Variants in TPP1 observed in about 807,000 individuals in gnomAD.
TPP1 encodes the protein tripeptidyl peptidase 1.
Under a neutral mutation model 67.6 loss-of-function variants are expected in TPP1, and 43 were observed. The ratio of observed to expected loss-of-function variants is 0.64; its 90% CI spans 0.50 to 0.82. TPP1 has a LOEUF of 0.82. TPP1 is among the 40% of genes least tolerant of loss of function. TPP1 has a pLI of 0.00. For synonymous variants in TPP1, 272 were observed against 281.5 expected (o/e 0.97, Z 0.34); for missense variants, 671 against 710.9 (o/e 0.94, Z 0.64).
In TPP1 at chr11:6,616,863, TGGAG is replaced by T; in HGVS notation, c.688-8_688-5del. The T allele has an allele frequency of 6.2e-7, 1 of 1,613,870 alleles. No homozygotes were observed. Among genetic ancestry groups the T allele is most frequent in the Non-Finnish European group, 8.5e-7 (1 of 1,179,998 alleles). ...CATGGAAATACTGCTCCAGGAACTA[TGGAG>T]GGAGTCAGAGCAGAGATCGTGGGTC... is the stretch of plus-strand genomic sequence containing the variant. On this transcript the variant is annotated splice_region_variant and splice_polypyrimidine_tract_variant and intron_variant, in intron 6 of 12. Coordinates refer to ENST00000299427, the MANE Select transcript of TPP1 (RefSeq NM_000391.4).
chr11:6,617,499 G>C (rs1022548597), intron 4 of TPP1, 71 bp from the exon 5 acceptor site: 2 of 1,613,372 alleles, frequency 1.2e-6, no homozygotes, highest in Admixed American at 1.7e-5. Context: ...GCATCCCTGG[G>C]CAGTCAGTCA....
At position 6,616,813 on chromosome 11, in the gene TPP1, C is replaced by T. The variant is rs754161261; in HGVS notation, c.734G>A (p.Arg245His). 16 of 1,613,714 alleles carry T rather than the reference C, an allele frequency of 9.9e-6. No individual in the cohort carries two copies. Among genetic ancestry groups the T allele is most frequent in the African/African-American group, 5.3e-5 (4 of 75,006 alleles). ...ATGTGCAAAGTTGCCACCGAAGAGG[C>T]GCATGAACTGAGCCAGGTCTGAGTC... ...FHDSDLAQFM[R>H]LFGGNFAHQA... Residue 245 changes from arginine to histidine, a missense_variant, in exon 7 of 13, where the codon CGC becomes CAC. By Grantham distance (29) the Arg-to-His change is conservative. Transcript: ENST00000299427.
At position 6,616,341 on chromosome 11, in the gene TPP1, C is replaced by T. The variant is rs199866669; in HGVS notation, c.1049G>A (p.Arg350Gln). The change falls in exon 8 of 13, where the codon CGG becomes CAG. Residue 350 changes from arginine (R) to glutamine (Q), a missense_variant. Coordinates refer to ENST00000299427, the MANE Select transcript of TPP1 (RefSeq NM_000391.4). The part of the protein sequence containing the change: ...VNTELMKAAA[R>Q]GLTLLFASGD... ...TGAGGCGAAGAGCAGGGTGAGACCC[C>T]GAGCGGCAGCCTTCATGAGCTCAGT... 41 of 1,613,392 alleles carry T rather than the reference C, an allele frequency of 2.5e-5. No homozygotes were observed. The highest frequency in any genetic ancestry group is 1.3e-4 in the East Asian group (6 of 44,884).
chr11:6,614,536 T>G lies in TPP1; in HGVS notation c.*10A>C. The G allele has an allele frequency of 6.2e-7, 1 of 1,614,128 alleles. No individual in the cohort carries two copies. Among genetic ancestry groups the G allele is most frequent in the Non-Finnish European group, 8.5e-7 (1 of 1,180,016 alleles). ...GCAGGGGACAAGCCATCTCTCCTGA[T>G]AGGAAAGGGTCAGGGGTTGAGTAGA... On this transcript the variant is annotated 3_prime_UTR_variant, in exon 13 of 13. Coordinates refer to ENST00000299427, the MANE Select transcript of TPP1 (RefSeq NM_000391.4).
Position 6,618,705 on chromosome 11 carries a change from C to A in TPP1, c.229+71G>T, listed in dbSNP as rs1175142078. 6 of 1,601,482 alleles carry A rather than the reference C, an allele frequency of 3.7e-6. No homozygotes were observed. The East Asian group carries it at 1.1e-4, about 30-fold the overall frequency. On this transcript the variant is annotated intron_variant, in intron 3 of 12. Coordinates refer to ENST00000299427, the MANE Select transcript of TPP1 (RefSeq NM_000391.4). ...TCTTGGCAGGCTCTGACATGATCGC[C>A]ATCCCATGCCCAACCCAGCCCTGTG... is the stretch of plus-strand genomic sequence containing the variant.
intron 10 of TPP1, 46 bp from the exon 11 acceptor site, chr11:6,615,375 A>C: frequency 1.2e-6 from 2 of 1,614,158 alleles, no homozygotes; most frequent in Non-Finnish European, 1.7e-6. Flanking sequence ...CCTGCCCAGC[A>C]GTCAGCTGAA....
In TPP1 at chr11:6,616,052, C is replaced by G; in HGVS notation, c.1098G>C (p.Trp366Cys). The G allele has an allele frequency of 6.2e-7, 1 of 1,614,156 alleles. No homozygotes were observed. Among genetic ancestry groups the G allele is most frequent in the Non-Finnish European group, 8.5e-7 (1 of 1,180,020 alleles). The change falls in exon 9 of 13, where the codon TGG becomes TGC. Residue 366 changes from tryptophan to cysteine, a missense_variant. Physicochemically the swap from Trp to Cys is radical, Grantham distance 215. Transcript: ENST00000299427. ...FASGDSGAGC[W>C]SVSGRHQFRP... ...GGAACTGGTGTCTTCCAGAGACAGA[C>G]CAACACCCGGCCCCACTGTCACCTG...
intron 6 of TPP1, 35 bp from the exon 7 acceptor site, chr11:6,616,894 G>A (rs776992662): frequency 4.2e-5 from 68 of 1,613,892 alleles, no homozygotes; most frequent in Non-Finnish European, 5.7e-5. Flanking sequence ...TCGTGGGTCC[G>A]AGGGTGAGTC....
rs775087485 is a variant in TPP1 at position 6,615,011 on chromosome 11, A to G, written c.1426-20T>C. 3.1e-6 allele frequency: 5 copies of G among 1,614,032 alleles called. No individual in the cohort carries two copies. Among genetic ancestry groups the G allele is most frequent in the Non-Finnish European group, 8.5e-7 (1 of 1,179,994 alleles). Reference sequence around the variant, plus strand: ...AGAGGCCTACAAGAGTGAAGGTGCAAGTAGAGGTCAGGGGTTCTGAGTGAT... The same window carrying G: ...AGAGGCCTACAAGAGTGAAGGTGCAGGTAGAGGTCAGGGGTTCTGAGTGAT... On this transcript the variant is annotated intron_variant, in intron 11 of 12. Coordinates refer to ENST00000299427, the MANE Select transcript of TPP1 (RefSeq NM_000391.4).
At chr11:6,619,303 C>T (rs1382402489) in intron 1 of TPP1, 36 bp from the exon 2 acceptor site, 3 of 1,614,058 alleles carry the variant, frequency 1.9e-6, no homozygotes, top group Non-Finnish European at 2.5e-6. Context: ...GTGGGAGCTA[C>T]GTTGTCCTTG....
chr11:6,616,617 C>A, intron 7 of TPP1, 44 bp downstream of exon 7: 2 of 1,613,092 alleles, frequency 1.2e-6, no homozygotes, highest in Middle Eastern at 1.7e-4. Context: ...GATCAACACC[C>A]ATCTCCCACC....
At chr11:6,615,130 G>A (rs377088294) in intron 11 of TPP1, 41 bp downstream of exon 11, 157 of 1,614,030 alleles carry the variant, frequency 9.7e-5, no homozygotes, top group Non-Finnish European at 1.3e-4. Flanking sequence ...GGGGGTAAGG[G>A]TAGTTCCTGA....
In TPP1 at chr11:6,617,158, A is replaced by G. The variant is rs375548657; in HGVS notation, c.509-5T>C. ...GAAAACGGTGCAGTCCCCCCACTGT[A>G]GGGAGAAGTCAGGCTTGAGGAGATC... On this transcript the variant is annotated splice_region_variant and splice_polypyrimidine_tract_variant and intron_variant, in intron 5 of 12. Transcript: ENST00000299427. 6.2e-5 allele frequency: 100 copies of G among 1,613,948 alleles called. No individual in the cohort carries two copies. The highest frequency in any genetic ancestry group is 8.3e-5 in the Admixed American group (5 of 59,996).
chr11:6,616,645 G>A lies in TPP1; in HGVS notation c.886+16C>T. ...CTCCCACCCCCTTCCCCACTGTCCA[G>A]TCCTCTTGGTAGTACCAGGGCTACT... On this transcript the variant is annotated intron_variant, in intron 7 of 12. Transcript: ENST00000299427. 1 of 1,613,650 alleles carries A rather than the reference G, an allele frequency of 6.2e-7. No individual in the cohort carries two copies.
intron 2 of TPP1, 106 bp downstream of exon 2, chr11:6,619,090 G>C (rs1855630140): frequency 1.3e-6 from 2 of 1,485,050 alleles, no homozygotes; most frequent in Non-Finnish European, 1.9e-6. Context: ...TGAAGCTATG[G>C]AGTGCGTACT....
chr11:6,614,678 A>G lies in TPP1; in HGVS notation c.1560T>C (p.Arg520=). 6.2e-7 allele frequency: 1 copy of G among 1,614,152 alleles called. No homozygotes were observed. Among genetic ancestry groups the G allele is most frequent in the Non-Finnish European group, 8.5e-7 (1 of 1,180,014 alleles). ...CATCCAGACAGGACTCATGGCAGCCACGGGTTACCTAGGGAGGAGGCTGGC... is the reference window on the plus strand; with the variant it reads ...CATCCAGACAGGACTCATGGCAGCCGCGGGTTACCTAGGGAGGAGGCTGGC... ...QHGAGLFDVT[R]GCHESCLDEE... is the part of the protein sequence containing the mutation. The change falls in exon 13 of 13, where the codon CGT becomes CGC. Residue 520 remains arginine (R), a synonymous_variant. Transcript: ENST00000299427.
Position 6,616,780 on chromosome 11 carries a change from G to A in TPP1, c.767C>T (p.Ser256Leu). The A allele has an allele frequency of 6.2e-7, 1 of 1,613,988 alleles. No homozygotes were observed. Among genetic ancestry groups the A allele is most frequent in the Non-Finnish European group, 8.5e-7 (1 of 1,180,016 alleles). The change falls in exon 7 of 13, where the codon TCA becomes TTA. Residue 256 changes from serine (S) to leucine (L), a missense_variant. Ser to Leu is a moderately radical substitution (Grantham distance 145). Transcript: ENST00000299427. Reference protein sequence around the residue: ...LFGGNFAHQASVARVVGQQGR... With the variant: ...LFGGNFAHQALVARVVGQQGR... Reference sequence around the variant, plus strand: ...CTGTTGTCCAACCACACGGGCTACTGATGCCTGATGTGCAAAGTTGCCACC... The same window carrying A: ...CTGTTGTCCAACCACACGGGCTACTAATGCCTGATGTGCAAAGTTGCCACC...
rs368452233 is a variant in TPP1 at position 6,613,315 on chromosome 11, C to T, written c.*1231G>A. Reference sequence around the variant, plus strand: ...AGTTGTATCAGGGGTGGTAAGGGGACGGAACAGCTTGAGCAAGAGTGAGAG... The same window carrying T: ...AGTTGTATCAGGGGTGGTAAGGGGATGGAACAGCTTGAGCAAGAGTGAGAG... On this transcript the variant is annotated 3_prime_UTR_variant, in exon 13 of 13. Transcript: ENST00000299427. 1.3e-5 allele frequency: 2 copies of T among 152,072 alleles called. No homozygotes were observed. Among genetic ancestry groups the T allele is most frequent in the East Asian group, 1.9e-4 (1 of 5,184 alleles). 9.4% of individuals were successfully genotyped at this position (152,072 alleles called of 1,614,324 possible). A position where few individuals can be genotyped will look rare whatever the true frequency, so the allele number is the denominator to read the frequency against.
intron 9 of TPP1, 161 bp from the exon 10 acceptor site, chr11:6,615,723 G>T: frequency 1.0e-6 from 1 of 956,594 alleles, no homozygotes; most frequent in Non-Finnish European, 1.6e-6. Flanking sequence ...TCAAGGCATG[G>T]CCCGAGGTGA....
Sources: allele counts gnomAD v4.1 joint callset, GRCh38; gene constraint gnomAD v4.1.1; transcripts MANE v1.5; gene names NCBI Gene and HGNC (gene_info 2026-07-23, HGNC 2026-07-21).